Variants in ANXA13 observed in about 807,000 individuals in gnomAD.
The protein encoded by ANXA13 is annexin A13, also known as annexin XIII.
In ANXA13, 36 loss-of-function variants were observed where a neutral mutation model predicts 46.6. The ratio of observed to expected loss-of-function variants is 0.77; its 90% CI spans 0.59 to 1.02. The LOEUF (loss-of-function observed/expected upper bound fraction) is 1.02. Among genes scored for constraint, ANXA13 ranks in the 50% least tolerant of loss-of-function variants. The probability of loss-of-function intolerance (pLI) is 0.00; values close to 1 mark genes in which losing one functional copy is unlikely to be tolerated. For synonymous variants in ANXA13, 163 were observed against 152.9 expected, an observed-to-expected ratio of 1.07 and a Z score of -0.49; for missense variants, 417 against 396.5, an observed-to-expected ratio of 1.05 and a Z score of -0.44.
intron 6 of ANXA13, 118 bp downstream of exon 6, chr8:123,695,384 T>C (rs1813310597): frequency 1.3e-6 from 1 of 773,600 alleles, no homozygotes; most frequent in South Asian, 1.7e-5. Context: ...AATCCCTTGA[T>C]AATATTTTTA....
intron 2 of ANXA13, among the ~76,000 whole-genome samples, chr8:123,704,175 C>T (rs887523124): frequency 1.3e-5 from 2 of 152,274 alleles, no homozygotes; most frequent in African/African-American, 2.4e-5. Flanking sequence ...TGCCTCACAT[C>T]CATGCAGGGT....
intron 4 of ANXA13, among the ~76,000 whole-genome samples, chr8:123,696,560 C>CGT (rs1554592765): frequency 6.6e-6 from 1 of 151,566 alleles, no homozygotes; most frequent in Non-Finnish European, 1.5e-5. Context: ...GCTCCCCCAC[C>CGT]CCCCCCACCA....
intron 1 of ANXA13, among the ~76,000 whole-genome samples, chr8:123,731,338 G>A (rs560133396): frequency 5.3e-5 from 8 of 152,306 alleles, no homozygotes; most frequent in African/African-American, 1.9e-4. Context: ...CCAGGGCCTT[G>A]CGCATGAATT....
At chr8:123,732,929 T>C (rs1814152503) in intron 1 of ANXA13, among the ~76,000 whole-genome samples, 1 of 152,066 alleles carries the variant, frequency 6.6e-6, no homozygotes, top group South Asian at 2.1e-4. Context: ...TCCCAGAACT[T>C]TGGGAGGCTG....
chr8:123,705,921 C>T (rs1813529602), intron 2 of ANXA13, among the ~76,000 whole-genome samples: 1 of 152,184 alleles, frequency 6.6e-6, no homozygotes, highest in Non-Finnish European at 1.5e-5. Flanking sequence ...TTTGGAAAGA[C>T]AGAGAGGCGA....
At chr8:123,727,164 T>C (rs1160198012) in intron 1 of ANXA13, among the ~76,000 whole-genome samples, 1 of 152,130 alleles carries the variant, frequency 6.6e-6, no homozygotes, top group African/African-American at 2.4e-5. Flanking sequence ...AACTTACTCA[T>C]GTAACCAAAT....
intron 6 of ANXA13, among the ~76,000 whole-genome samples, chr8:123,694,140 C>T (rs1028943994): frequency 2.6e-5 from 4 of 152,176 alleles, no homozygotes; most frequent in African/African-American, 7.2e-5. Flanking sequence ...TCCTAAAAAA[C>T]CCTGAGAGCT....
At position 123,693,755 on chromosome 8, in the gene ANXA13, C is replaced by T. The variant is rs756221312; in HGVS notation, c.496G>A (p.Val166Met). Residue 166 changes from valine to methionine, a missense_variant, in exon 7 of 11, where the codon GTG becomes ATG. Physicochemically the swap from Val to Met is conservative, Grantham distance 21 (BLOSUM62 1). Transcript: ENST00000419625. ...TCCTGACCAGCTAGATCTTTGTCCA[C>T]GTCATCTCCTTCATTGCGATTAGCC... ...LQANRNEGDDVDKDLAGQDAK... is the reference protein window; with the variant it reads ...LQANRNEGDDMDKDLAGQDAK... 5.6e-5 allele frequency: 90 copies of T among 1,614,054 alleles called. No homozygotes were observed. The highest frequency in any genetic ancestry group is 3.3e-4 in the Middle Eastern group (2 of 6,084).
chr8:123,718,332 T>C (rs964372070), intron 1 of ANXA13, among the ~76,000 whole-genome samples: 1 of 152,250 alleles, frequency 6.6e-6, no homozygotes, highest in Non-Finnish European at 1.5e-5. Flanking sequence ...CAATTTCTCA[T>C]TGGTCACCTG....
At chr8:123,716,798 G>A (rs62519880) in intron 1 of ANXA13, among the ~76,000 whole-genome samples, 3 of 152,212 alleles carry the variant, frequency 2.0e-5, no homozygotes, top group South Asian at 4.2e-4. Flanking sequence ...GACAGCTGAC[G>A]ATGGGCCTCA....
chr8:123,732,847 T>A (rs1814150635), intron 1 of ANXA13, among the ~76,000 whole-genome samples: 1 of 152,218 alleles, frequency 6.6e-6, no homozygotes, highest in African/African-American at 2.4e-5. Context: ...ACTTTTGCAG[T>A]GGCATTCTGA....
intron 9 of ANXA13, among the ~76,000 whole-genome samples, chr8:123,685,089 C>T (rs1417900667): frequency 1.3e-5 from 2 of 152,296 alleles, no homozygotes; most frequent in East Asian, 3.9e-4. Flanking sequence ...TGGCCAGCAA[C>T]CTTCTGGAAC....
At chr8:123,721,835 A>G (rs1029301608) in intron 1 of ANXA13, among the ~76,000 whole-genome samples, 1 of 152,136 alleles carries the variant, frequency 6.6e-6, no homozygotes, top group East Asian at 1.9e-4. Context: ...CAACAACCCT[A>G]TGGGGTAGGT....
intron 9 of ANXA13, 31 bp downstream of exon 9, chr8:123,688,840 T>C (rs1813183400): frequency 6.2e-7 from 1 of 1,606,452 alleles, no homozygotes; most frequent in African/African-American, 1.3e-5. Context: ...CAGCCCAACC[T>C]AAGACAGGAG....
At chr8:123,704,849 C>G (rs1010221668) in intron 2 of ANXA13, among the ~76,000 whole-genome samples, 2 of 152,192 alleles carry the variant, frequency 1.3e-5, no homozygotes, top group Non-Finnish European at 2.9e-5. Flanking sequence ...TTTCAGTTCT[C>G]CTCTCTATTG....
chr8:123,737,370 C>T lies in ANXA13; in HGVS notation c.-36G>A, dbSNP rs6470179. 1,480,810 of 1,598,794 alleles carry T rather than the reference C, an allele frequency of 0.93. 686,102 individuals are homozygous for T. Among genetic ancestry groups the T allele is most frequent in the East Asian group, 1 (44,536 of 44,602 alleles). ...CTGAGATGGTTTTTCTGTATTTCAT[C>T]AAGAGATCAGTCCTCCTACAGGCAA... On this transcript the variant is annotated 5_prime_UTR_variant, in exon 1 of 11. Transcript: ENST00000419625.
chr8:123,700,672 A>C (rs1813428085), intron 3 of ANXA13, among the ~76,000 whole-genome samples: 2 of 152,184 alleles, frequency 1.3e-5, no homozygotes, highest in Admixed American at 1.3e-4. Context: ...TAAAGACTAA[A>C]GATTAAGAAG....
intron 1 of ANXA13, 123 bp from the exon 2 acceptor site, chr8:123,712,876 A>C (rs1418298298): frequency 2.5e-6 from 2 of 794,168 alleles, no homozygotes; most frequent in Non-Finnish European, 4.2e-6. Flanking sequence ...CTGTCACTTC[A>C]CACACTGGTA....
chr8:123,712,588 T>C, intron 2 of ANXA13, 90 bp downstream of exon 2: 6 of 1,119,116 alleles, frequency 5.4e-6, no homozygotes, highest in South Asian at 3.8e-5. Flanking sequence ...GATAGTGAGA[T>C]GTCAGCTTCC....
Sources: allele counts gnomAD v4.1 joint callset (sites outside exome capture counted in the v4.1 genomes callset), GRCh38; gene constraint gnomAD v4.1.1; transcripts MANE v1.5; gene names NCBI Gene and HGNC (gene_info 2026-07-23, HGNC 2026-07-21).